The following PTK2B variants were observed in gnomAD, a reference collection of about 807,000 sequenced individuals.
The protein encoded by PTK2B is protein-tyrosine kinase 2-beta.
Under a neutral mutation model 142.9 loss-of-function variants are expected in PTK2B, and 71 were observed. The observed-to-expected ratio is 0.50, with a 90% confidence interval of 0.41 to 0.61. PTK2B has a LOEUF of 0.61. Ranked by LOEUF, PTK2B falls within the 20% of genes least tolerant of loss-of-function variation. The pLI is 0.00. For missense variants in PTK2B, 1,105 were observed against 1,320.4 expected (o/e 0.84, Z 2.53); for synonymous variants, 519 against 503.4 (o/e 1.03, Z -0.42).
Position 27,397,676 on chromosome 8 carries a change from T to C in PTK2B, c.92T>C (p.Val31Ala). 4 of 1,614,232 alleles carry C rather than the reference T, an allele frequency of 2.5e-6. No individual in the cohort carries two copies. Among genetic ancestry groups the C allele is most frequent in the Non-Finnish European group, 2.5e-6 (3 of 1,180,038 alleles). ...GPAEPMVVVP[V>A]DVEKEDVRIL... ...GCAGAGCCCATGGTGGTGGTACCAG[T>C]AGATGTGGAAAAGGAGGACGTGCGT... Residue 31 changes from valine (V) to alanine (A), a missense_variant, in exon 2 of 31, where the codon GTA (valine) becomes GCA (alanine). By Grantham distance (64) the Val-to-Ala change is moderately conservative. Transcript: ENST00000346049.
At chr8:27,311,379 TGCGGGGGGGATG>T, upstream of PTK2B, 1 of 1,084,644 alleles carries the variant, frequency 9.2e-7, no homozygotes, top group Non-Finnish European at 1.3e-6. Context: ...TGGCCAATCG[TGCGGGGGGGATG>T]GCGAGGGGGA....
chr8:27,383,219 G>T (rs886720220), intron 1 of PTK2B, among the ~76,000 whole-genome samples: 4 of 152,012 alleles, frequency 2.6e-5, no homozygotes, highest in Admixed American at 2.0e-4. Flanking sequence ...TTGTGTGTGT[G>T]TCCTCTTCTA....
intron 1 of PTK2B, among the ~76,000 whole-genome samples, chr8:27,370,499 T>G (rs1349629722): frequency 6.6e-6 from 1 of 152,238 alleles, no homozygotes; most frequent in Non-Finnish European, 1.5e-5. Flanking sequence ...GCCCTTCCGT[T>G]ACGGCCTTCA....
intron 1 of PTK2B, among the ~76,000 whole-genome samples, chr8:27,390,211 T>C (rs1458886980): frequency 1.3e-5 from 2 of 151,392 alleles, no homozygotes; most frequent in Admixed American, 1.3e-4. Context: ...TCTGTGGAGG[T>C]GGGGCAGGTG....
At chr8:27,438,217 T>C (rs1331776295) in intron 18 of PTK2B, among the ~76,000 whole-genome samples, 1 of 152,170 alleles carries the variant, frequency 6.6e-6, no homozygotes, top group Non-Finnish European at 1.5e-5. Flanking sequence ...CCTGGCTTGG[T>C]GGCACATGGC....
At chr8:27,446,268 A>G (rs946502771) in intron 24 of PTK2B, among the ~76,000 whole-genome samples, 14 of 152,198 alleles carry the variant, frequency 9.2e-5, no homozygotes, top group African/African-American at 3.4e-4. Context: ...AGCACAGCTT[A>G]GTGGTGCTGG....
chr8:27,455,507 C>T (rs180716360), intron 30 of PTK2B, among the ~76,000 whole-genome samples: 6 of 152,280 alleles, frequency 3.9e-5, no homozygotes, highest in African/African-American at 1.2e-4. Context: ...CATGGTCATA[C>T]CACTGCACTC....
At position 27,435,753 on chromosome 8, in the gene PTK2B, C is replaced by G; in HGVS notation, c.1203C>G (p.Ile401Met). Residue 401 changes from isoleucine to methionine, a missense_variant, in exon 14 of 31, where the codon ATC becomes ATG. By Grantham distance (10) the Ile-to-Met change is conservative (BLOSUM62 1). Coordinates refer to ENST00000346049, the MANE Select transcript of PTK2B (RefSeq NM_173176.3). The part of the protein sequence containing the change: ...LSESCSIESD[I>M]YAEIPDETLR... Reference sequence around the variant, plus strand: ...TTCCTGTTGTTCCAGAGTCAGACATCTACGCAGAGATTCCCGACGAAACCC... The same window carrying G: ...TTCCTGTTGTTCCAGAGTCAGACATGTACGCAGAGATTCCCGACGAAACCC... 1.2e-6 allele frequency: 2 copies of G among 1,614,184 alleles called. No individual in the cohort carries two copies. The highest frequency in any genetic ancestry group is 1.7e-6 in the Non-Finnish European group (2 of 1,180,042).
At chr8:27,341,053 C>G (rs371655020) in intron 1 of PTK2B, among the ~76,000 whole-genome samples, 5 of 152,108 alleles carry the variant, frequency 3.3e-5, no homozygotes, top group African/African-American at 9.7e-5. Flanking sequence ...TTTGCCCCAA[C>G]AATTGGGCTC....
At chr8:27,433,359 A>G (rs754798559) in intron 10 of PTK2B, 76 bp from the exon 11 acceptor site, 1 of 1,295,438 alleles carries the variant, frequency 7.7e-7, no homozygotes, top group African/African-American at 1.5e-5. Flanking sequence ...GGGTCCTGCC[A>G]TCTCTTCTCC....
At chr8:27,346,697 G>A (rs1012498000) in intron 1 of PTK2B, among the ~76,000 whole-genome samples, 2 of 152,210 alleles carry the variant, frequency 1.3e-5, no homozygotes, top group African/African-American at 4.8e-5. Context: ...GGAAAAGTGG[G>A]GCAGACCACT....
At chr8:27,315,838 C>T (rs934239959) in intron 3 of PTK2B, among the ~76,000 whole-genome samples, 1 of 152,118 alleles carries the variant, frequency 6.6e-6, no homozygotes, top group African/African-American at 2.4e-5. Context: ...TTTCACTTTT[C>T]TAACTTGCTT....
intron 9 of PTK2B, 116 bp from the exon 10 acceptor site, chr8:27,432,140 CTCTT>C: frequency 1.2e-6 from 1 of 819,708 alleles, no homozygotes; most frequent in South Asian, 1.7e-5. Flanking sequence ...GTTTGATTCT[CTCTT>C]CATCTCCCAG....
chr8:27,330,096 G>A (rs567248060), intron 1 of PTK2B, among the ~76,000 whole-genome samples: 10 of 152,222 alleles, frequency 6.6e-5, no homozygotes, highest in Middle Eastern at 3.4e-3. Flanking sequence ...GGGCTGTAGC[G>A]TGGACATATC....
chr8:27,340,910 AG>A (rs775500528), intron 1 of PTK2B, among the ~76,000 whole-genome samples: 3 of 152,124 alleles, frequency 2.0e-5, no homozygotes, highest in Non-Finnish European at 4.4e-5. Flanking sequence ...TGCAGTGGGG[AG>A]GGGGGCAGAC....
chr8:27,431,514 A>G (rs765655431), intron 9 of PTK2B, 42 bp downstream of exon 9: 656 of 1,611,018 alleles, frequency 4.1e-4, no homozygotes, highest in Non-Finnish European at 5.4e-4. Context: ...CCAGGCGGGG[A>G]GGTCGTCCCC....
At chr8:27,350,863 CCACTTG>C (rs2130477396) in intron 1 of PTK2B, among the ~76,000 whole-genome samples, 1 of 148,924 alleles carries the variant, frequency 6.7e-6, no homozygotes, top group African/African-American at 2.5e-5. Flanking sequence ...GTAATCCCAG[CCACTTG>C]AGAGGCTGAG....
At position 27,430,856 on chromosome 8, in the gene PTK2B, C is replaced by T. The variant is rs540881019; in HGVS notation, c.670-20C>T. On this transcript the variant is annotated intron_variant, in intron 7 of 30. Transcript: ENST00000346049. ...CTGGGAGGAGCAGGCATTGCTCACA[C>T]GGCCCATCCCCTCCCCCAGCCCAAA... The T allele has an allele frequency of 1.1e-3, 1,834 of 1,610,782 alleles. 33 individuals carry two copies. In the South Asian group the frequency reaches 0.019, roughly 16 times the overall value.
intron 30 of PTK2B, among the ~76,000 whole-genome samples, chr8:27,457,988 AAAAAAAAAAAG>A (rs1171496289): frequency 6.7e-6 from 1 of 149,138 alleles, no homozygotes; most frequent in South Asian, 2.2e-4. Context: ...AAAAAAAAAA[AAAAAAAAAAAG>A]ATCAGATTCG....
Sources: allele counts gnomAD v4.1 joint callset (sites outside exome capture counted in the v4.1 genomes callset), GRCh38; gene constraint gnomAD v4.1.1; transcripts MANE v1.5; gene names NCBI Gene and HGNC (gene_info 2026-07-23, HGNC 2026-07-21).